Variants in SCHIP1 observed in about 807,000 individuals in gnomAD.
The protein encoded by SCHIP1 is schwannomin-interacting protein 1.
Under a neutral mutation model 29.7 loss-of-function variants are expected in SCHIP1, and 8 were observed. The ratio of observed to expected loss-of-function variants is 0.27; its 90% CI spans 0.16 to 0.49. The LOEUF (loss-of-function observed/expected upper bound fraction) is 0.49. Ranked by LOEUF, SCHIP1 falls within the 20% of genes least tolerant of loss-of-function variation. The probability of loss-of-function intolerance (pLI) is 0.99; values close to 1 mark genes in which losing one functional copy is unlikely to be tolerated. For missense variants in SCHIP1, 193 were observed against 294.6 expected (o/e 0.66, Z 2.52); for synonymous variants, 76 against 94.9 (o/e 0.80, Z 1.16).
the SCHIP1 span, among the ~76,000 whole-genome samples, chr3:159,549,611 G>C: frequency 6.6e-6 from 1 of 152,116 alleles, no homozygotes; most frequent in Non-Finnish European, 1.5e-5. Context: ...TTCACCAGAT[G>C]CCAACCCTTC....
chr3:159,407,499 A>G, the SCHIP1 span, among the ~76,000 whole-genome samples: 1 of 152,188 alleles, frequency 6.6e-6, no homozygotes, highest in African/African-American at 2.4e-5. Context: ...TAGACAAAGA[A>G]ACATTGGACT....
At chr3:159,417,649 G>T in the SCHIP1 span, among the ~76,000 whole-genome samples, 5 of 152,214 alleles carry the variant, frequency 3.3e-5, no homozygotes, top group Admixed American at 3.3e-4. Flanking sequence ...ACTCTGCAAT[G>T]ATGGCCCTAA....
the SCHIP1 span, among the ~76,000 whole-genome samples, chr3:159,466,973 T>A: frequency 3.3e-5 from 5 of 152,072 alleles, no homozygotes; most frequent in Admixed American, 1.3e-4. Context: ...CAATAATAAA[T>A]AAACAACATT....
the SCHIP1 span, among the ~76,000 whole-genome samples, chr3:159,447,660 G>A: frequency 6.6e-6 from 1 of 152,162 alleles, no homozygotes; most frequent in South Asian, 2.1e-4. Flanking sequence ...GATACATTGT[G>A]AGATTTAGTT....
chr3:159,520,098 A>T, the SCHIP1 span, among the ~76,000 whole-genome samples: 2 of 109,592 alleles, frequency 1.8e-5, no homozygotes, highest in Non-Finnish European at 4.0e-5. Flanking sequence ...TCATCAAATA[A>T]AAAAAAAAAA....
chr3:159,708,482 GT>G, the SCHIP1 span, among the ~76,000 whole-genome samples: 1 of 152,274 alleles, frequency 6.6e-6, no homozygotes, highest in Non-Finnish European at 1.5e-5. Context: ...TTTTTTTTAA[GT>G]TGCATAGGTG....
the SCHIP1 span, among the ~76,000 whole-genome samples, chr3:159,287,222 A>G: frequency 2.0e-5 from 3 of 151,950 alleles, no homozygotes; most frequent in Non-Finnish European, 4.4e-5. Flanking sequence ...TAAGTCTTTA[A>G]TCCATTTTGA....
the SCHIP1 span, among the ~76,000 whole-genome samples, chr3:159,382,397 G>A: frequency 6.6e-6 from 1 of 151,052 alleles, no homozygotes; most frequent in Non-Finnish European, 1.5e-5. Flanking sequence ...TGAGAATGAT[G>A]ATTTCCAATT....
At chr3:159,622,954 CAT>C in the SCHIP1 span, among the ~76,000 whole-genome samples, 1 of 152,036 alleles carries the variant, frequency 6.6e-6, no homozygotes, top group Non-Finnish European at 1.5e-5. Context: ...ATGGAGGAAA[CAT>C]ATGTGCATAG....
At chr3:159,670,705 T>A in the SCHIP1 span, among the ~76,000 whole-genome samples, 2 of 152,176 alleles carry the variant, frequency 1.3e-5, no homozygotes, top group African/African-American at 2.4e-5. Flanking sequence ...AGAATTTTTT[T>A]AAAAAGATAC....
the SCHIP1 span, among the ~76,000 whole-genome samples, chr3:159,649,494 G>A: frequency 6.6e-6 from 1 of 151,942 alleles, no homozygotes; most frequent in Admixed American, 6.6e-5. Context: ...ACAAAATTTA[G>A]ACCTGCAAAA....
the SCHIP1 span, among the ~76,000 whole-genome samples, chr3:159,782,744 A>T: frequency 1.3e-5 from 2 of 152,236 alleles, no homozygotes; most frequent in African/African-American, 4.8e-5. Flanking sequence ...AGGATGATTC[A>T]ATGTGCGCTG....
the SCHIP1 span, among the ~76,000 whole-genome samples, chr3:159,503,748 T>C: frequency 6.6e-6 from 1 of 152,188 alleles, no homozygotes; most frequent in Non-Finnish European, 1.5e-5. Context: ...TTAAGAAACA[T>C]GACATTCTCA....
chr3:159,680,148 C>T, the SCHIP1 span, among the ~76,000 whole-genome samples: 4 of 151,868 alleles, frequency 2.6e-5, no homozygotes, highest in Non-Finnish European at 5.9e-5. Context: ...ACCACCATAT[C>T]CCCAGCACCT....
the SCHIP1 span, among the ~76,000 whole-genome samples, chr3:159,652,712 G>T: frequency 1.3e-5 from 2 of 152,138 alleles, no homozygotes; most frequent in African/African-American, 4.8e-5. Flanking sequence ...AACCAGAAGG[G>T]CAGGAGTGAA....
intron 3 of SCHIP1, 109 bp downstream of exon 4, chr3:159,886,433 G>A: frequency 9.9e-7 from 1 of 1,012,584 alleles, no homozygotes; most frequent in Non-Finnish European, 1.4e-6. Flanking sequence ...GATTAAAGAA[G>A]AAAAGTTTCT....
chr3:159,457,267 G>A, the SCHIP1 span, among the ~76,000 whole-genome samples: 3 of 152,176 alleles, frequency 2.0e-5, no homozygotes, highest in African/African-American at 4.8e-5. Context: ...AAATTAGGAT[G>A]TAATTGTGAG....
chr3:159,553,967 CGTGTGTGTGTGTGTGT>C, the SCHIP1 span, among the ~76,000 whole-genome samples: 3,899 of 115,846 alleles, frequency 0.034, 59 homozygotes, highest in African/African-American at 0.067. Context: ...CGCCCAGCTA[CGTGTGTGTGTGTGTGT>C]GTGTGTGTGT....
intron 2 of SCHIP1, among the ~76,000 whole-genome samples, chr3:159,874,337 G>A (rs2109324402): frequency 6.6e-6 from 1 of 152,312 alleles, no homozygotes; most frequent in South Asian, 2.1e-4. Flanking sequence ...CTTTTGAGCA[G>A]CTGCTTTGAA....
Sources: allele counts gnomAD v4.1 joint callset (sites outside exome capture counted in the v4.1 genomes callset), GRCh38; gene constraint gnomAD v4.1.1; transcripts MANE v1.5; gene names NCBI Gene and HGNC (gene_info 2026-07-23, HGNC 2026-07-21).